SCGB1D2: variants seen among roughly 807,000 people sequenced by gnomAD.
SCGB1D2 encodes the protein lipophilin-B.
SCGB1D2 carries 10 observed loss-of-function variants against 10.5 expected under a neutral mutation model. The observed-to-expected ratio is 0.95, with a 90% CI of 0.59 to 1.61. The LOEUF is 1.61. Ranked by LOEUF, SCGB1D2 falls within the 40% of genes most tolerant of loss-of-function variation. The probability of loss-of-function intolerance (pLI) is 0.00; values close to 1 mark genes in which losing one functional copy is unlikely to be tolerated. For missense variants in SCGB1D2, 113 were observed against 103.8 expected, an observed-to-expected ratio of 1.09 and a Z score of -0.38; for synonymous variants, 42 against 42.8, an observed-to-expected ratio of 0.98 and a Z score of 0.08.
rs1366512719 is a variant in SCGB1D2 at position 62,242,288 on chromosome 11, T to C, written c.-20T>C. 6.2e-7 allele frequency: 1 copy of C among 1,613,840 alleles called. No homozygotes were observed. The highest frequency in any genetic ancestry group is 8.5e-7 in the Non-Finnish European group (1 of 1,179,820). The stretch of plus-strand genomic sequence containing the variant: ...CACTCATTGTTTGTGAAAGCTGAGC[T>C]CACAGCAAAACAAGCCACCATGAAG... On this transcript the variant is annotated 5_prime_UTR_variant, in exon 1 of 3. Transcript: ENST00000244926.
intron 1 of SCGB1D2, among the ~76,000 whole-genome samples, 172 bp downstream of exon 1, chr11:62,242,534 C>T (rs1416516142): frequency 2.0e-5 from 3 of 152,298 alleles, no homozygotes; most frequent in Admixed American, 6.5e-5. Flanking sequence ...TCTTCTACTC[C>T]CCAGCACCTA....
At chr11:62,244,289 C>T (rs12284683) in intron 2 of SCGB1D2, among the ~76,000 whole-genome samples, 4,708 of 152,182 alleles carry the variant, frequency 0.031, 259 homozygotes, top group African/African-American at 0.11. Context: ...GCCAAGCTTC[C>T]CAGAAGCCCT....
intron 2 of SCGB1D2, among the ~76,000 whole-genome samples, chr11:62,243,838 C>T (rs1043973738): frequency 1.3e-5 from 2 of 152,150 alleles, no homozygotes; most frequent in African/African-American, 2.4e-5. Flanking sequence ...ATGTAATGGA[C>T]ACAGTCACTG....
intron 1 of SCGB1D2, among the ~76,000 whole-genome samples, chr11:62,242,861 G>A (rs1361284558): frequency 6.6e-6 from 1 of 152,228 alleles, no homozygotes; most frequent in Non-Finnish European, 1.5e-5. Flanking sequence ...GTCAAGGAGA[G>A]TGAATTGCTT....
chr11:62,244,379 A>G (rs1317348764), intron 2 of SCGB1D2, among the ~76,000 whole-genome samples: 1 of 152,166 alleles, frequency 6.6e-6, no homozygotes, highest in African/African-American at 2.4e-5. Flanking sequence ...CAGCCCAGGC[A>G]ATAACCTCTT....
Position 62,242,290 on chromosome 11 carries a change from A to C in SCGB1D2, c.-18A>C. 6.2e-7 allele frequency: 1 copy of C among 1,613,830 alleles called. No homozygotes were observed. The highest frequency in any genetic ancestry group is 8.5e-7 in the Non-Finnish European group (1 of 1,179,816). On this transcript the variant is annotated 5_prime_UTR_variant, in exon 1 of 3. Coordinates refer to ENST00000244926, the MANE Select transcript of SCGB1D2 (RefSeq NM_006551.4). Reference sequence around the variant, plus strand: ...CTCATTGTTTGTGAAAGCTGAGCTCACAGCAAAACAAGCCACCATGAAGCT... The same window carrying C: ...CTCATTGTTTGTGAAAGCTGAGCTCCCAGCAAAACAAGCCACCATGAAGCT...
In SCGB1D2 at chr11:62,242,292, A is replaced by G; in HGVS notation, c.-16A>G. 2 of 1,613,970 alleles carry G rather than the reference A, an allele frequency of 1.2e-6. No homozygotes were observed. Among genetic ancestry groups the G allele is most frequent in the African/African-American group, 2.7e-5 (2 of 75,048 alleles). The stretch of plus-strand genomic sequence containing the variant: ...CATTGTTTGTGAAAGCTGAGCTCAC[A>G]GCAAAACAAGCCACCATGAAGCTGT... On this transcript the variant is annotated 5_prime_UTR_variant, in exon 1 of 3. Transcript: ENST00000244926.
At chr11:62,242,470 C>G (rs1945070971) in intron 1 of SCGB1D2, 108 bp downstream of exon 1, 22 of 1,095,112 alleles carry the variant, frequency 2.0e-5, no homozygotes, top group South Asian at 6.9e-5. Context: ...AACCAAAATT[C>G]CAAACCTTTT....
At chr11:62,243,604 G>C in intron 2 of SCGB1D2, 128 bp downstream of exon 2, 1 of 748,666 alleles carries the variant, frequency 1.3e-6, no homozygotes, top group Admixed American at 2.4e-5. Flanking sequence ...TCTTGAGAAG[G>C]TCACCTGGGG....
chr11:62,242,953 G>T (rs1446129725), intron 1 of SCGB1D2, among the ~76,000 whole-genome samples: 1 of 152,192 alleles, frequency 6.6e-6, no homozygotes, highest in Non-Finnish European at 1.5e-5. Context: ...TCAGCTGGAC[G>T]TGGTGACATG....
chr11:62,243,655 T>A (rs1026562271), intron 2 of SCGB1D2, among the ~76,000 whole-genome samples, 179 bp downstream of exon 2: 6 of 152,132 alleles, frequency 3.9e-5, no homozygotes, highest in Non-Finnish European at 8.8e-5. Flanking sequence ...AGAATTCAAC[T>A]CAGCTGCACA....
chr11:62,243,691 C>T (rs1945084583), intron 2 of SCGB1D2, among the ~76,000 whole-genome samples: 1 of 152,196 alleles, frequency 6.6e-6, no homozygotes, highest in African/African-American at 2.4e-5. Flanking sequence ...TCCTCCTTCT[C>T]ATGTCACCTG....
At chr11:62,243,190 A>G (rs986399132) in intron 1 of SCGB1D2, 99 bp from the exon 2 acceptor site, 2 of 894,158 alleles carry the variant, frequency 2.2e-6, no homozygotes, top group African/African-American at 3.3e-5. Context: ...ATGTATGTGA[A>G]CATATAACCC....
Position 62,242,380 on chromosome 11 carries a change from G to A in SCGB1D2, c.55+18G>A, listed in dbSNP as rs774833628. 2.4e-5 allele frequency: 39 copies of A among 1,613,600 alleles called. No individual in the cohort carries two copies. Among genetic ancestry groups the A allele is most frequent in the Admixed American group, 5.0e-5 (3 of 60,000 alleles). On this transcript the variant is annotated intron_variant, in intron 1 of 2. Transcript: ENST00000244926. ...CTACCAGGGTGAGTACATCAGTCATGAGTCTAGCTCCAGCCCCTGGGAAGC... is the reference window on the plus strand; with the variant it reads ...CTACCAGGGTGAGTACATCAGTCATAAGTCTAGCTCCAGCCCCTGGGAAGC...
At position 62,243,359 on chromosome 11, in the gene SCGB1D2, C is replaced by T. The variant is rs1282244230; in HGVS notation, c.126C>T (p.Phe42=). The T allele has an allele frequency of 1.2e-6, 2 of 1,613,858 alleles. No homozygotes were observed. The highest frequency in any genetic ancestry group is 2.7e-5 in the African/African-American group (2 of 74,922). ...TCTTCTTCATTAGTGAACCTCTGTT[C>T]AAGTTAAGTCTTGCCAAATTTGATG... ...LDFFFISEPL[F]KLSLAKFDAP... The change falls in exon 2 of 3, where the codon TTC becomes TTT. Residue 42 remains phenylalanine, a synonymous_variant. Coordinates refer to ENST00000244926, the MANE Select transcript of SCGB1D2 (RefSeq NM_006551.4).
At chr11:62,243,940 A>G (rs1358606363) in intron 2 of SCGB1D2, among the ~76,000 whole-genome samples, 1 of 152,130 alleles carries the variant, frequency 6.6e-6, no homozygotes, top group Non-Finnish European at 1.5e-5. Context: ...TAGCACTGGC[A>G]GGCTGGACTT....
chr11:62,242,952 C>T (rs958264600), intron 1 of SCGB1D2, among the ~76,000 whole-genome samples: 2 of 152,078 alleles, frequency 1.3e-5, no homozygotes, highest in Admixed American at 1.3e-4. Context: ...ATCAGCTGGA[C>T]GTGGTGACAT....
At chr11:62,243,616 C>G (rs950431530) in intron 2 of SCGB1D2, 140 bp downstream of exon 2, 4 of 686,858 alleles carry the variant, frequency 5.8e-6, no homozygotes, top group Non-Finnish European at 9.9e-6. Flanking sequence ...CACCTGGGGC[C>G]ACAGGGTGGG....
In SCGB1D2 at chr11:62,242,314, C is replaced by T. The variant is rs201846552; in HGVS notation, c.7C>T (p.Leu3=). 6.2e-7 allele frequency: 1 copy of T among 1,614,108 alleles called. No homozygotes were observed. Among genetic ancestry groups the T allele is most frequent in the South Asian group, 1.1e-5 (1 of 91,072 alleles). The change falls in exon 1 of 3, where the codon CTG becomes TTG. Residue 3 remains leucine (L), a synonymous_variant. Coordinates refer to ENST00000244926, the MANE Select transcript of SCGB1D2 (RefSeq NM_006551.4). The part of the protein sequence containing the change: MK[L]SVCLLLVTLA... ...CACAGCAAAACAAGCCACCATGAAGCTGTCGGTGTGTCTCCTGCTGGTCAC... is the reference window on the plus strand; with the variant it reads ...CACAGCAAAACAAGCCACCATGAAGTTGTCGGTGTGTCTCCTGCTGGTCAC...
Sources: allele counts gnomAD v4.1 joint callset (sites outside exome capture counted in the v4.1 genomes callset), GRCh38; gene constraint gnomAD v4.1.1; transcripts MANE v1.5; gene names NCBI Gene and HGNC (gene_info 2026-07-23, HGNC 2026-07-21).